PDLIM7: variants seen among roughly 807,000 people sequenced by gnomAD.
The protein encoded by PDLIM7 is PDZ and LIM domain 7, also known as PDZ and LIM domain protein 7.
Under a neutral mutation model 53.9 loss-of-function variants are expected in PDLIM7, and 37 were observed. The observed-to-expected ratio is 0.69, with a 90% CI of 0.53 to 0.90. PDLIM7 has a LOEUF of 0.90. Among genes scored for constraint, PDLIM7 ranks in the 40% least tolerant of loss-of-function variants. The probability of loss-of-function intolerance (pLI) is 0.00; values close to 1 mark genes in which losing one functional copy is unlikely to be tolerated. For missense variants in PDLIM7, 617 were observed against 638.5 expected (o/e 0.97, Z 0.36); for synonymous variants, 300 against 261.3 (o/e 1.15, Z -1.43).
At chr5:177,483,757 TG>T in intron 12 of PDLIM7, 27 bp from the exon 13 acceptor site, 3 of 1,595,582 alleles carry the variant, frequency 1.9e-6, no homozygotes, top group Non-Finnish European at 2.6e-6. Context: ...CCCAGTCACA[TG>T]GGGTTGGGGG....
chr5:177,490,702 GAAGGAGGA>G (rs1758711324), intron 7 of PDLIM7, 160 bp downstream of exon 7: 4 of 930,352 alleles, frequency 4.3e-6, no homozygotes, highest in Admixed American at 2.2e-5. Flanking sequence ...AAGAAGGAAG[GAAGGAGGA>G]AGGGAAGGAA....
intron 5 of PDLIM7, 108 bp downstream of exon 5, chr5:177,491,699 C>A (rs1034901202): frequency 4.3e-6 from 3 of 691,380 alleles, no homozygotes; most frequent in Non-Finnish European, 6.7e-6. Context: ...CGCTGCCGCA[C>A]GGTTCCGCCG....
intron 10 of PDLIM7, among the ~76,000 whole-genome samples, chr5:177,487,186 A>C (rs1362442325): frequency 2.0e-5 from 3 of 149,390 alleles, no homozygotes; most frequent in Non-Finnish European, 4.5e-5. Context: ...GCCCACCTCG[A>C]CCTCCCAAAG....
chr5:177,486,748 C>T (rs1409277519), intron 10 of PDLIM7, among the ~76,000 whole-genome samples: 1 of 152,040 alleles, frequency 6.6e-6, no homozygotes, highest in Admixed American at 6.6e-5. Context: ...ACGCCATTCT[C>T]CTGCCTCAGC....
At chr5:177,490,493 C>G in intron 7 of PDLIM7, 1 of 1,552,958 alleles carries the variant, frequency 6.4e-7, no homozygotes, top group Non-Finnish European at 8.7e-7. Flanking sequence ...TGGAGAGGGC[C>G]GGGCTACGAC....
chr5:177,485,432 G>A (rs1171216593), intron 10 of PDLIM7, among the ~76,000 whole-genome samples: 1 of 152,240 alleles, frequency 6.6e-6, no homozygotes, highest in African/African-American at 2.4e-5. Context: ...GAGGCGGTAT[G>A]AGGGTCCAAG....
chr5:177,493,963 G>A (rs1288944606), intron 2 of PDLIM7, among the ~76,000 whole-genome samples: 1 of 152,180 alleles, frequency 6.6e-6, no homozygotes, highest in Non-Finnish European at 1.5e-5. Context: ...CAGGCACAGA[G>A]CTTGACAGCA....
At chr5:177,490,294 G>A (rs1758681526) in intron 7 of PDLIM7, 12 of 1,443,226 alleles carry the variant, frequency 8.3e-6, no homozygotes, top group Non-Finnish European at 1.1e-5. Context: ...AGACCTGGCA[G>A]ACAGCAGTAC....
intron 10 of PDLIM7, among the ~76,000 whole-genome samples, chr5:177,486,678 G>A (rs370231703): frequency 7.2e-5 from 11 of 151,948 alleles, no homozygotes; most frequent in South Asian, 2.1e-4. Flanking sequence ...TCGCTCTGTC[G>A]CCCAGGCTGG....
At chr5:177,489,260 C>T (rs559985318) in intron 9 of PDLIM7, 133 bp downstream of exon 9, 99 of 716,244 alleles carry the variant, frequency 1.4e-4, no homozygotes, top group Admixed American at 2.3e-4. Context: ...CAGCCCAGGT[C>T]CCTACTCCTA....
intron 9 of PDLIM7, 26 bp downstream of exon 9, chr5:177,489,367 G>A (rs1758620672): frequency 2.0e-6 from 3 of 1,499,384 alleles, no homozygotes; most frequent in African/African-American, 2.7e-5. Context: ...GGGAAAGCCA[G>A]GGTCGGACAG....
chr5:177,493,227 T>C (rs1223074653), intron 2 of PDLIM7, among the ~76,000 whole-genome samples: 2 of 152,128 alleles, frequency 1.3e-5, no homozygotes, highest in Non-Finnish European at 2.9e-5. Flanking sequence ...CTGGGACCCT[T>C]TGAGAGCCAG....
intron 5 of PDLIM7, 141 bp from the exon 6 acceptor site, chr5:177,491,287 G>T (rs1758767177): frequency 2.1e-6 from 3 of 1,438,988 alleles, no homozygotes; most frequent in African/African-American, 1.4e-5. Context: ...CTGCTGGGCG[G>T]GTAGGTGAGA....
intron 4 of PDLIM7, 191 bp downstream of exon 4, chr5:177,492,214 A>G (rs1758833738): frequency 2.9e-6 from 2 of 681,726 alleles, no homozygotes; most frequent in East Asian, 5.6e-5. Context: ...AGACAGGCGG[A>G]CATGCGTGGT....
chr5:177,496,940 T>C (rs1759105994), intron 1 of PDLIM7: 1 of 147,960 alleles, frequency 6.8e-6, no homozygotes, highest in Non-Finnish European at 1.5e-5. Context: ...GCTCGGACTA[T>C]ATAAGGCGTG....
chr5:177,489,663 G>A lies in PDLIM7; in HGVS notation c.635-36C>T, dbSNP rs182444777. 1.9e-3 allele frequency: 2,857 copies of A among 1,519,080 alleles called. 4 individuals carry two copies. Among genetic ancestry groups the A allele is most frequent in the Non-Finnish European group, 2.2e-3 (2,515 of 1,133,100 alleles). The allele number at this position is 1,519,080 out of a possible 1,614,324, so 94.1% of individuals were successfully genotyped here. A position where few individuals can be genotyped will look rare whatever the true frequency, so the allele number is the denominator to read the frequency against. On this transcript the variant is annotated intron_variant, in intron 8 of 12. Transcript: ENST00000355841. ...AAGTGACTCTAAAGGGGTGCCCAGG[G>A]ACCCCAAAGGACGGGGGTGGAGCCC...
At chr5:177,497,195 A>G (rs1759134398) in intron 1 of PDLIM7, among the ~76,000 whole-genome samples, 1 of 151,864 alleles carries the variant, frequency 6.6e-6, no homozygotes, top group African/African-American at 2.4e-5. Flanking sequence ...CCTCAAGCAT[A>G]GCTTGGAGGG....
Position 177,491,040 on chromosome 5 carries a change from T to G in PDLIM7, c.505A>C (p.Ile169Leu). 1 of 1,613,170 alleles carries G rather than the reference T, an allele frequency of 6.2e-7. No homozygotes were observed. The highest frequency in any genetic ancestry group is 8.5e-7 in the Non-Finnish European group (1 of 1,179,626). The change falls in exon 6 of 13, where the codon ATC becomes CTC. Residue 169 changes from isoleucine (I) to leucine (L), a missense_variant. Transcript: ENST00000355841. Reference protein sequence around the residue: ...PGTGQSRSFRILAHLTGTEFM... With the variant: ...PGTGQSRSFRLLAHLTGTEFM... ...TCGGTGCCTGTGAGGTGGGCAAGGA[T>G]GCGGAAGGAACGCGACTGGCCTGTC...
At chr5:177,490,842 GGA>G (rs1758730419) in intron 7 of PDLIM7, 26 bp downstream of exon 7, 2 of 1,613,124 alleles carry the variant, frequency 1.2e-6, no homozygotes, top group Non-Finnish European at 8.5e-7. Context: ...GCAGGAGGTG[GGA>G]GAGGGGCTGG....
Sources: gnomAD v4.1 joint callset for allele counts (sites outside exome capture counted in the v4.1 genomes callset) on GRCh38, gnomAD v4.1.1 for gene constraint, MANE v1.5 for transcripts, NCBI Gene and HGNC (gene_info 2026-07-23, HGNC 2026-07-21) for gene names.